The following CDK5RAP2 variants were observed in gnomAD, a reference collection of about 807,000 sequenced individuals.
CDK5RAP2 encodes the protein CDK5 regulatory subunit associated protein 2, also known as CDK5 regulatory subunit-associated protein 2.
Under a neutral mutation model 232.9 loss-of-function variants are expected in CDK5RAP2, and 147 were observed. The observed-to-expected ratio is 0.63, with a 90% CI of 0.55 to 0.72. CDK5RAP2 has a LOEUF of 0.72. Among genes scored for constraint, CDK5RAP2 ranks in the 30% least tolerant of loss-of-function variants. The probability of loss-of-function intolerance (pLI) is 0.00; values close to 1 mark genes in which losing one functional copy is unlikely to be tolerated. For missense variants in CDK5RAP2, 2,195 were observed against 2,231.5 expected, an observed-to-expected ratio of 0.98 and a Z score of 0.33; for synonymous variants, 833 against 833.7, an observed-to-expected ratio of 1.00 and a Z score of 0.01.
intron 36 of CDK5RAP2, among the ~76,000 whole-genome samples, chr9:120,391,909 G>C (rs763147664): frequency 2.6e-5 from 4 of 152,236 alleles, no homozygotes; most frequent in Non-Finnish European, 4.4e-5. Flanking sequence ...CCTGGCAAAG[G>C]AGGAGTTGCA....
In CDK5RAP2 at chr9:120,526,341, C is replaced by T. The variant is rs543094584; in HGVS notation, c.1000-1263G>A. On this transcript the variant is annotated intron_variant, in intron 10 of 37. Transcript: ENST00000349780. Reference sequence around the variant, plus strand: ...CCACTGTCCCAGATCTTGCCATCAACCTCCACTATCCACGCTTTGAACTGA... The same window carrying T: ...CCACTGTCCCAGATCTTGCCATCAATCTCCACTATCCACGCTTTGAACTGA... Among the ~76,000 whole-genome samples the T allele has an allele frequency of 5.9e-5, 9 of 152,300 alleles. No individual in the cohort carries two copies. The South Asian group carries it at 1.9e-3, about 32-fold the overall frequency.
At chr9:120,475,014 A>G (rs7020388) in intron 15 of CDK5RAP2, among the ~76,000 whole-genome samples, 3,053 of 152,332 alleles carry the variant, frequency 0.02, 103 homozygotes, top group African/African-American at 0.069. Context: ...TGCTGTCATT[A>G]TTCTTAAGAA....
chr9:120,438,163 C>A (rs747955476), intron 24 of CDK5RAP2, among the ~76,000 whole-genome samples: 23 of 152,168 alleles, frequency 1.5e-4, no homozygotes, highest in Non-Finnish European at 1.0e-4. Context: ...GATCATTATG[C>A]AATATTACCT....
chr9:120,470,121 A>T lies in CDK5RAP2; in HGVS notation c.1958T>A (p.Leu653His), dbSNP rs1278297310. The change falls in exon 17 of 38, where the codon CTT becomes CAT. Residue 653 changes from leucine (L) to histidine (H), a missense_variant. Coordinates refer to ENST00000349780, the MANE Select transcript of CDK5RAP2 (RefSeq NM_018249.6). ...TTAATAGGTCAATACCTTTTTCTTA[A>T]GTTCTTCTTGAGAAAAATGTTCCAC... ...FQVEHFSQEE[L>H]KKKVSDLIQL... is the part of the protein sequence containing the mutation. 8 of 1,521,674 alleles carry T rather than the reference A, an allele frequency of 5.3e-6. No homozygotes were observed. The highest frequency in any genetic ancestry group is 7.3e-6 in the Non-Finnish European group (8 of 1,099,480). The allele number at this position is 1,521,674 out of a possible 1,614,324, so 94.3% of individuals were successfully genotyped here.
intron 18 of CDK5RAP2, among the ~76,000 whole-genome samples, chr9:120,467,105 C>T (rs2131500266): frequency 6.6e-6 from 1 of 152,336 alleles, no homozygotes; most frequent in Middle Eastern, 3.4e-3. Context: ...TTGTGCAGCC[C>T]AGGTCCCAAA....
intron 3 of CDK5RAP2, among the ~76,000 whole-genome samples, chr9:120,564,257 G>A (rs1368099132): frequency 6.6e-6 from 1 of 152,098 alleles, no homozygotes; most frequent in African/African-American, 2.4e-5. Flanking sequence ...CACAAGGTCA[G>A]GAGATCAAGA....
At chr9:120,569,513 T>C (rs1446499192) in intron 2 of CDK5RAP2, among the ~76,000 whole-genome samples, 1 of 152,118 alleles carries the variant, frequency 6.6e-6, no homozygotes, top group Non-Finnish European at 1.5e-5. Flanking sequence ...AAGGACCAGT[T>C]ACCTGGGGGA....
intron 5 of CDK5RAP2, among the ~76,000 whole-genome samples, chr9:120,544,144 A>T (rs2041747343): frequency 6.6e-6 from 1 of 152,176 alleles, no homozygotes; most frequent in South Asian, 2.1e-4. Context: ...ATACACATAT[A>T]AACATGTGCA....
chr9:120,561,695 C>T (rs1007102334), intron 3 of CDK5RAP2, among the ~76,000 whole-genome samples: 1 of 152,218 alleles, frequency 6.6e-6, no homozygotes, highest in African/African-American at 2.4e-5. Context: ...AACCTTTGCT[C>T]ATGAATACAC....
intron 16 of CDK5RAP2, among the ~76,000 whole-genome samples, chr9:120,470,923 G>A (rs1050565066): frequency 6.6e-6 from 1 of 152,202 alleles, no homozygotes; most frequent in East Asian, 1.9e-4. Flanking sequence ...CAGAATACTG[G>A]AAAGAGCTAG....
chr9:120,460,468 A>C, intron 19 of CDK5RAP2, 104 bp downstream of exon 19: 1 of 1,011,114 alleles, frequency 9.9e-7, no homozygotes, highest in Non-Finnish European at 1.5e-6. Flanking sequence ...TACAGGATAT[A>C]GGCAGAATGA....
intron 25 of CDK5RAP2, among the ~76,000 whole-genome samples, chr9:120,431,617 C>T (rs1588315520): frequency 6.6e-6 from 1 of 152,234 alleles, no homozygotes; most frequent in Non-Finnish European, 1.5e-5. Context: ...CTGGCAAAGG[C>T]CCCCTCCAGA....
chr9:120,536,241 C>G, intron 7 of CDK5RAP2, 131 bp downstream of exon 7: 1 of 936,116 alleles, frequency 1.1e-6, no homozygotes, highest in Non-Finnish European at 1.7e-6. Flanking sequence ...TGGACTTGTT[C>G]CCATTAGTCA....
At chr9:120,538,681 G>C (rs750793203) in intron 6 of CDK5RAP2, among the ~76,000 whole-genome samples, 30 of 152,106 alleles carry the variant, frequency 2.0e-4, no homozygotes, top group Non-Finnish European at 3.2e-4. Context: ...AAATAATGGG[G>C]CTAAACTAGA....
intron 11 of CDK5RAP2, among the ~76,000 whole-genome samples, chr9:120,521,652 T>C (rs976354516): frequency 6.9e-6 from 1 of 145,454 alleles, no homozygotes; most frequent in Non-Finnish European, 1.5e-5. Flanking sequence ...TTCTTTTTTT[T>C]TTTTTTTTTT....
At chr9:120,545,019 G>A (rs1203488865) in intron 5 of CDK5RAP2, among the ~76,000 whole-genome samples, 1 of 152,076 alleles carries the variant, frequency 6.6e-6, no homozygotes, top group Non-Finnish European at 1.5e-5. Flanking sequence ...AACTGTGCTT[G>A]TTGTTCAATA....
intron 18 of CDK5RAP2, among the ~76,000 whole-genome samples, chr9:120,465,814 T>A (rs967992012): frequency 8.6e-5 from 13 of 151,976 alleles, no homozygotes; most frequent in African/African-American, 2.9e-4. Flanking sequence ...CCAACAGCAG[T>A]GAGGCAGTTA....
At chr9:120,548,204 T>G (rs890536344) in intron 4 of CDK5RAP2, among the ~76,000 whole-genome samples, 3 of 152,228 alleles carry the variant, frequency 2.0e-5, no homozygotes, top group Non-Finnish European at 4.4e-5. Context: ...TGACAGTGTA[T>G]AATATCTTCA....
At chr9:120,400,055 A>G (rs2032861235) in intron 35 of CDK5RAP2, among the ~76,000 whole-genome samples, 1 of 152,146 alleles carries the variant, frequency 6.6e-6, no homozygotes, top group African/African-American at 2.4e-5. Context: ...AAAGGGTGAA[A>G]TATCTATCAC....
Sources: gnomAD v4.1 joint callset for allele counts (sites outside exome capture counted in the v4.1 genomes callset) on GRCh38, gnomAD v4.1.1 for gene constraint, MANE v1.5 for transcripts, NCBI Gene and HGNC (gene_info 2026-07-23, HGNC 2026-07-21) for gene names.